The following SORCS2 variants were observed in gnomAD, a reference collection of about 807,000 sequenced individuals.
The protein encoded by SORCS2 is sortilin related VPS10 domain containing receptor 2, also known as VPS10 domain-containing receptor SorCS2.
Under a neutral mutation model 141.6 loss-of-function variants are expected in SORCS2, and 100 were observed. The observed-to-expected ratio is 0.71, with a 90% CI of 0.60 to 0.83. The LOEUF is 0.83. SORCS2 is among the 40% of genes least tolerant of loss of function. The pLI is 0.00. For missense variants in SORCS2, 1,646 were observed against 1,560.2 expected, an observed-to-expected ratio of 1.05 and a Z score of -0.93; for synonymous variants, 789 against 676.9, an observed-to-expected ratio of 1.17 and a Z score of -2.57.
chr4:7,392,604 G>A (rs1027374588), intron 1 of SORCS2, among the ~76,000 whole-genome samples: 1 of 152,018 alleles, frequency 6.6e-6, no homozygotes, highest in African/African-American at 2.4e-5. Context: ...GAATTCCAAA[G>A]AAGCTGAGGT....
chr4:7,192,538 C>G lies in SORCS2; in HGVS notation c.-109C>G, dbSNP rs1485779410. 1 of 942,454 alleles carries G rather than the reference C, an allele frequency of 1.1e-6. No homozygotes were observed. The highest frequency in any genetic ancestry group is 1.8e-5 in the African/African-American group (1 of 56,216). 58.4% of individuals were successfully genotyped at this position (942,454 alleles called of 1,614,324 possible). ...CCGCCGCTCCCTCCCCTCGCCGGCT[C>G]CTTTCTCTGCGCTCTCGCTCGCGCT... On this transcript the variant is annotated 5_prime_UTR_variant, in exon 1 of 27. Coordinates refer to ENST00000507866, the MANE Select transcript of SORCS2 (RefSeq NM_020777.3). The surrounding 1 kb of genome is among the most constrained non-coding windows in gnomAD (Gnocchi z 4.0).
intron 5 of SORCS2, among the ~76,000 whole-genome samples, chr4:7,655,848 GCTCATGGACAGCT>G (rs1017219467): frequency 6.6e-6 from 1 of 152,198 alleles, no homozygotes; most frequent in African/African-American, 2.4e-5. Context: ...GCCAGGCCGG[GCTCATGGACAGCT>G]CTCCAGCCAG....
At chr4:7,428,545 G>C (rs1221611159) in intron 2 of SORCS2, among the ~76,000 whole-genome samples, 1 of 152,184 alleles carries the variant, frequency 6.6e-6, no homozygotes, top group Non-Finnish European at 1.5e-5. Flanking sequence ...AGTGTGGAGT[G>C]GTGGTGGGAA....
At chr4:7,363,068 GTCATACA>G (rs1219298733) in intron 1 of SORCS2, among the ~76,000 whole-genome samples, 1 of 140,894 alleles carries the variant, frequency 7.1e-6, no homozygotes, top group Admixed American at 7.0e-5. Flanking sequence ...CATCACTACC[GTCATACA>G]TCATCATCAT....
chr4:7,310,235 C>T (rs753060900), intron 1 of SORCS2, among the ~76,000 whole-genome samples: 2 of 152,114 alleles, frequency 1.3e-5, no homozygotes, highest in Non-Finnish European at 2.9e-5. Flanking sequence ...TAATCTCCTC[C>T]ACAACTCATG....
intron 3 of SORCS2, among the ~76,000 whole-genome samples, chr4:7,603,000 A>C (rs1717834449): frequency 6.6e-6 from 1 of 152,228 alleles, no homozygotes. Flanking sequence ...CCACCAAAAA[A>C]ATACAAAAAC....
intron 1 of SORCS2, among the ~76,000 whole-genome samples, chr4:7,250,514 A>G (rs1713425608): frequency 6.6e-6 from 1 of 152,236 alleles, no homozygotes; most frequent in African/African-American, 2.4e-5. Context: ...AGACTTTCCA[A>G]GATTTATGTC....
intron 3 of SORCS2, among the ~76,000 whole-genome samples, chr4:7,634,061 C>T (rs1216630944): frequency 2.7e-5 from 3 of 112,012 alleles, no homozygotes; most frequent in African/African-American, 8.1e-5. Context: ...AGGGAATCCA[C>T]GTGCAGTGTA....
intron 3 of SORCS2, among the ~76,000 whole-genome samples, chr4:7,608,209 G>A (rs1451666794): frequency 1.3e-5 from 2 of 152,158 alleles, no homozygotes; most frequent in African/African-American, 4.8e-5. Flanking sequence ...CATGCTCCCT[G>A]GCAGAGCTGC....
intron 1 of SORCS2, among the ~76,000 whole-genome samples, chr4:7,365,455 G>T (rs969761831): frequency 2.6e-5 from 4 of 152,156 alleles, no homozygotes; most frequent in African/African-American, 9.7e-5. Flanking sequence ...ACAAGAGCCT[G>T]GTCTGGGGTG....
chr4:7,636,568 G>A (rs1389322635), intron 3 of SORCS2, among the ~76,000 whole-genome samples: 1 of 152,036 alleles, frequency 6.6e-6, no homozygotes, highest in East Asian at 1.9e-4. Flanking sequence ...CCACCTGTGA[G>A]TGTCTGGGTG....
chr4:7,642,977 A>G (rs576552349), intron 4 of SORCS2, among the ~76,000 whole-genome samples: 42 of 152,318 alleles, frequency 2.8e-4, no homozygotes, highest in Middle Eastern at 3.4e-3. Context: ...GAGTCAATGG[A>G]GTGGACACAA....
chr4:7,221,433 C>T (rs576420635), intron 1 of SORCS2, among the ~76,000 whole-genome samples: 14 of 152,308 alleles, frequency 9.2e-5, no homozygotes, highest in Non-Finnish European at 1.2e-4. Context: ...AACCAGAGAC[C>T]GCCGTAGTGA....
intron 3 of SORCS2, among the ~76,000 whole-genome samples, chr4:7,624,926 G>T (rs1448067998): frequency 2.0e-5 from 3 of 152,158 alleles, no homozygotes; most frequent in African/African-American, 7.2e-5. Context: ...GGACGGCGGG[G>T]GCTCTCGTCT....
chr4:7,601,809 A>G (rs1479792375), intron 3 of SORCS2, among the ~76,000 whole-genome samples: 4 of 152,088 alleles, frequency 2.6e-5, no homozygotes, highest in Admixed American at 2.0e-4. Flanking sequence ...TAGGCGGAGG[A>G]CCCTGCCGCC....
chr4:7,474,840 G>T lies in SORCS2; in HGVS notation c.549-56690G>T, dbSNP rs114975758. Among the ~76,000 whole-genome samples the T allele has an allele frequency of 8.8e-3, 1,344 of 152,284 alleles. 16 individuals are homozygous for T. The highest frequency in any genetic ancestry group is 0.031 in the African/African-American group (1,285 of 41,564). ...GGAGCCCGAAGCCCGGAACCAGGGGGTCTGCAGGGCCAGGCTCCCTCTATG... is the reference window on the plus strand; with the variant it reads ...GGAGCCCGAAGCCCGGAACCAGGGGTTCTGCAGGGCCAGGCTCCCTCTATG... On this transcript the variant is annotated intron_variant, in intron 2 of 26. Transcript: ENST00000507866.
At chr4:7,727,646 T>C (rs972643831) in intron 21 of SORCS2, among the ~76,000 whole-genome samples, 2 of 152,176 alleles carry the variant, frequency 1.3e-5, no homozygotes, top group African/African-American at 4.8e-5. Context: ...GGCTGGGAGC[T>C]TTGCAAATGC....
chr4:7,680,480 A>G (rs2108963266), intron 9 of SORCS2, among the ~76,000 whole-genome samples: 1 of 152,352 alleles, frequency 6.6e-6, no homozygotes, highest in South Asian at 2.1e-4. Flanking sequence ...CACTGAGTCG[A>G]GTGAGCAGGA....
chr4:7,387,852 A>T (rs1198174587), intron 1 of SORCS2, among the ~76,000 whole-genome samples: 1 of 125,442 alleles, frequency 8.0e-6, no homozygotes, highest in East Asian at 2.1e-4. Context: ...ACATGCACAC[A>T]CATACAGGTA....
Sources: allele counts gnomAD v4.1 joint callset (sites outside exome capture counted in the v4.1 genomes callset), GRCh38; gene constraint gnomAD v4.1.1; non-coding constraint Gnocchi (gnomAD v3.1); transcripts MANE v1.5; gene names NCBI Gene and HGNC (gene_info 2026-07-23, HGNC 2026-07-21).